NSUN3: variants seen among roughly 807,000 people sequenced by gnomAD.
NSUN3 encodes the protein tRNA (cytosine(34)-C(5))-methyltransferase, mitochondrial.
Under a neutral mutation model 36.8 loss-of-function variants are expected in NSUN3, and 24 were observed. The observed-to-expected ratio is 0.65, with a 90% CI of 0.47 to 0.92. NSUN3 has a LOEUF of 0.92. NSUN3 is among the 40% of genes least tolerant of loss of function. The pLI is 0.00. For missense variants in NSUN3, 381 were observed against 392.8 expected (o/e 0.97, Z 0.25); for synonymous variants, 146 against 145.2 (o/e 1.01, Z -0.04).
At chr3:94,121,621 AGTG>A (rs2077462425) in intron 5 of NSUN3, among the ~76,000 whole-genome samples, 1 of 152,168 alleles carries the variant, frequency 6.6e-6, no homozygotes, top group Non-Finnish European at 1.5e-5. Flanking sequence ...TTTAGAGGGC[AGTG>A]AATAGTGAGG....
intron 1 of NSUN3, chr3:94,063,402 G>T (rs1474463077): frequency 4.0e-6 from 2 of 501,022 alleles, no homozygotes; most frequent in Admixed American, 6.4e-5. Flanking sequence ...GTGTCACAGC[G>T]GTATCCCGGG....
intron 2 of NSUN3, among the ~76,000 whole-genome samples, chr3:94,074,617 G>T (rs2077239160): frequency 6.6e-6 from 1 of 152,126 alleles, no homozygotes; most frequent in Non-Finnish European, 1.5e-5. Context: ...TCTGTTATTG[G>T]TATATAGGAA....
At chr3:94,113,918 C>T (rs1322396425) in intron 5 of NSUN3, among the ~76,000 whole-genome samples, 2 of 152,136 alleles carry the variant, frequency 1.3e-5, no homozygotes, top group Non-Finnish European at 2.9e-5. Flanking sequence ...ATTTAAATGC[C>T]AATCTGTGAT....
chr3:94,121,898 A>G (rs1365503750), intron 5 of NSUN3, among the ~76,000 whole-genome samples: 1 of 151,674 alleles, frequency 6.6e-6, no homozygotes, highest in Admixed American at 6.6e-5. Flanking sequence ...TAGTCCCAGC[A>G]CTTTGGGAGG....
chr3:94,082,523 A>G (rs1393457407), intron 2 of NSUN3, among the ~76,000 whole-genome samples: 1 of 152,196 alleles, frequency 6.6e-6, no homozygotes. Context: ...AGTTTCACGT[A>G]TTAGCCCTAA....
intron 5 of NSUN3, among the ~76,000 whole-genome samples, chr3:94,096,028 G>A (rs1232647871): frequency 6.6e-6 from 1 of 151,398 alleles, no homozygotes; most frequent in East Asian, 1.9e-4. Flanking sequence ...CAAAGTGCTG[G>A]GATTACAGGC....
At chr3:94,103,464 A>G (rs2077373889) in intron 5 of NSUN3, among the ~76,000 whole-genome samples, 1 of 151,556 alleles carries the variant, frequency 6.6e-6, no homozygotes, top group Non-Finnish European at 1.5e-5. Flanking sequence ...AATATACAAT[A>G]GAGTATAATA....
intron 5 of NSUN3, among the ~76,000 whole-genome samples, chr3:94,111,217 A>C (rs2077415780): frequency 6.6e-6 from 1 of 152,154 alleles, no homozygotes; most frequent in African/African-American, 2.4e-5. Flanking sequence ...AAAGATAAAA[A>C]AATTGTACAC....
rs1204637463 is a variant in NSUN3, at chr3:94,093,748, C to T, written c.467-392C>T. On this transcript the variant is annotated intron_variant, in intron 3 of 5. Coordinates refer to ENST00000314622, the MANE Select transcript of NSUN3 (RefSeq NM_022072.5). ...TTTCATCTTCTTGCACCTGAATTAC[C>T]ACCTGTGTTTACTCTTAAGCGTTAG... Among the ~76,000 whole-genome samples the T allele has an allele frequency of 2.0e-5, 3 of 152,200 alleles. No homozygotes were observed. In the East Asian group the frequency reaches 5.8e-4, roughly 29 times the overall value.
At chr3:94,072,789 C>T (rs944391406) in intron 2 of NSUN3, among the ~76,000 whole-genome samples, 1 of 151,824 alleles carries the variant, frequency 6.6e-6, no homozygotes, top group Non-Finnish European at 1.5e-5. Context: ...CCTCAGTCTG[C>T]AATAAGTTCT....
chr3:94,110,798 A>G (rs2077413206), intron 5 of NSUN3, among the ~76,000 whole-genome samples: 1 of 151,676 alleles, frequency 6.6e-6, no homozygotes, highest in Admixed American at 6.6e-5. Flanking sequence ...ATATATATGT[A>G]TGCACATATA....
rs781251353 is a variant in NSUN3, at chr3:94,064,553, A to G, written c.122+7A>G. The G allele has an allele frequency of 6.7e-7, 1 of 1,493,292 alleles. No individual in the cohort carries two copies. The highest frequency in any genetic ancestry group is 2.3e-5 in the East Asian group (1 of 44,186). The allele number at this position is 1,493,292 out of a possible 1,614,324, so 92.5% of individuals were successfully genotyped here. Reference sequence around the variant, plus strand: ...ATGCCTGGAATACAGTAAGGTTAGTATAATTCATCTCGATGCTTTATGATG... The same window carrying G: ...ATGCCTGGAATACAGTAAGGTTAGTGTAATTCATCTCGATGCTTTATGATG... On this transcript the variant is annotated splice_region_variant and intron_variant, in intron 2 of 5. Transcript: ENST00000314622.
chr3:94,099,999 A>C (rs1279275354), intron 5 of NSUN3, among the ~76,000 whole-genome samples: 1 of 152,162 alleles, frequency 6.6e-6, no homozygotes, highest in African/African-American at 2.4e-5. Context: ...GCAGGCATGC[A>C]AGAGAGTAAA....
chr3:94,093,869 A>G (rs1003423937), intron 3 of NSUN3, among the ~76,000 whole-genome samples: 1 of 152,228 alleles, frequency 6.6e-6, no homozygotes, highest in Non-Finnish European at 1.5e-5. Context: ...ATAAAATTAA[A>G]CTTGGTGGAG....
chr3:94,098,997 A>G (rs1327987823), intron 5 of NSUN3, among the ~76,000 whole-genome samples: 2 of 152,128 alleles, frequency 1.3e-5, no homozygotes, highest in Admixed American at 6.6e-5. Context: ...TTCCTACCAT[A>G]TAATTTGGTG....
intron 1 of NSUN3, chr3:94,064,191 C>A: frequency 2.1e-6 from 1 of 473,988 alleles, no homozygotes; most frequent in Non-Finnish European, 3.8e-6. Flanking sequence ...TTGACAGTTT[C>A]TTCAGCCCCA....
chr3:94,071,759 CTG>C (rs2077225377), intron 2 of NSUN3, among the ~76,000 whole-genome samples: 1 of 152,210 alleles, frequency 6.6e-6, no homozygotes, highest in African/African-American at 2.4e-5. Context: ...TTCAGACTAA[CTG>C]TGAATCTTGG....
intron 5 of NSUN3, among the ~76,000 whole-genome samples, chr3:94,119,816 A>G (rs1346327063): frequency 6.6e-6 from 1 of 152,258 alleles, no homozygotes; most frequent in Non-Finnish European, 1.5e-5. Flanking sequence ...CAGCAAGACC[A>G]TTTGACAGGA....
At chr3:94,083,071 T>A (rs1473030448) in intron 2 of NSUN3, among the ~76,000 whole-genome samples, 3 of 152,108 alleles carry the variant, frequency 2.0e-5, no homozygotes, top group African/African-American at 4.8e-5. Flanking sequence ...TGGGTTCATT[T>A]TGACAGACTT....
Sources: allele counts gnomAD v4.1 joint callset (sites outside exome capture counted in the v4.1 genomes callset), GRCh38; gene constraint gnomAD v4.1.1; transcripts MANE v1.5; gene names NCBI Gene and HGNC (gene_info 2026-07-23, HGNC 2026-07-21).